Variants in GAK observed in about 807,000 individuals in gnomAD.
GAK encodes the protein cyclin G associated kinase.
A neutral mutation model predicts 143.9 loss-of-function variants in GAK; 79 were observed. The observed-to-expected ratio is 0.55, with a 90% CI of 0.46 to 0.66. The LOEUF (loss-of-function observed/expected upper bound fraction) is 0.66. Among genes scored for constraint, GAK ranks in the 30% least tolerant of loss-of-function variants. The pLI, the probability that GAK is intolerant of heterozygous loss-of-function variation, is 0.00. For synonymous variants in GAK, 881 were observed against 765.5 expected, an observed-to-expected ratio of 1.15 and a Z score of -2.49; for missense variants, 1,693 against 1,779.7, an observed-to-expected ratio of 0.95 and a Z score of 0.88.
At chr4:856,985 T>A (rs1749406955) in intron 24 of GAK, among the ~76,000 whole-genome samples, 1 of 152,222 alleles carries the variant, frequency 6.6e-6, no homozygotes, top group Non-Finnish European at 1.5e-5. Context: ...GTTAAATGCC[T>A]TTTCTGCCTT....
Position 866,520 on chromosome 4 carries a change from G to A in GAK, c.2887C>T (p.Pro963Ser), listed in dbSNP as rs769770781. 3.1e-6 allele frequency: 5 copies of A among 1,613,716 alleles called. No homozygotes were observed. Among genetic ancestry groups the A allele is most frequent in the Non-Finnish European group, 4.2e-6 (5 of 1,179,920 alleles). ...GPPAAADPFG[P>S]LLPSSGNNSQ... Reference sequence around the variant, plus strand: ...TTGTTGCCTGAAGACGGCAGAAGCGGGCCAAAGGGGTCAGCTGTGGGGACA... The same window carrying A: ...TTGTTGCCTGAAGACGGCAGAAGCGAGCCAAAGGGGTCAGCTGTGGGGACA... The change falls in exon 22 of 28, where the codon CCG (proline) becomes TCG (serine). Residue 963 changes from proline to serine, a missense_variant. Around this residue, in one of 2 missense-constraint regions of GAK, gnomAD observed 822 missense variants for 788.7 expected, o/e 1.04. Transcript: ENST00000314167.
In GAK at chr4:876,526, G is replaced by C. The variant is rs377279183; in HGVS notation, c.2054+4C>G. 7 of 1,613,464 alleles carry C rather than the reference G, an allele frequency of 4.3e-6. No homozygotes were observed. In the South Asian group the frequency reaches 6.6e-5, roughly 15 times the overall value. Reference sequence around the variant, plus strand: ...CCCACCGAGCACAAGCGGTACCAACGTACTTGGCAAATTTCACAGTGGTGG... The same window carrying C: ...CCCACCGAGCACAAGCGGTACCAACCTACTTGGCAAATTTCACAGTGGTGG... On this transcript the variant is annotated splice_donor_region_variant and intron_variant, in intron 18 of 27. Transcript: ENST00000314167.
intron 15 of GAK, among the ~76,000 whole-genome samples, chr4:878,872 G>A (rs1180002585): frequency 6.6e-6 from 1 of 152,160 alleles, no homozygotes; most frequent in Non-Finnish European, 1.5e-5. Context: ...TGCGGGCCAG[G>A]CAGGTGACAC....
rs141564663 is a variant in GAK at position 894,270 on chromosome 4, T to C, written c.742-261A>G. 4.6e-3 allele frequency: 770 copies of C among 166,918 alleles called. 4 individuals are homozygous for C. Among genetic ancestry groups the C allele is most frequent in the Middle Eastern group, 0.017 (8 of 478 alleles). The allele number at this position is 166,918 out of a possible 1,614,324, so 10.3% of individuals were successfully genotyped here. On this transcript the variant is annotated intron_variant, in intron 7 of 27. Transcript: ENST00000314167. Reference sequence around the variant, plus strand: ...GGCCGCGGGGAGCGCAGGGGTGACGTTGGGGCCGTGGGGAGCGCAGGGGTG... The same window carrying C: ...GGCCGCGGGGAGCGCAGGGGTGACGCTGGGGCCGTGGGGAGCGCAGGGGTG...
chr4:875,150 C>T (rs1313895867), intron 18 of GAK, among the ~76,000 whole-genome samples: 3 of 152,186 alleles, frequency 2.0e-5, no homozygotes, highest in African/African-American at 7.2e-5. Context: ...GGTCCTTCAC[C>T]GACATTTTCC....
intron 23 of GAK, among the ~76,000 whole-genome samples, chr4:863,159 T>G (rs769978945): frequency 9.9e-5 from 15 of 152,200 alleles, no homozygotes; most frequent in Non-Finnish European, 2.2e-4. Flanking sequence ...CCCTCAAGGA[T>G]GACTTTGAGG....
At chr4:870,981 G>T in intron 18 of GAK, 77 bp from the exon 19 acceptor site, 1 of 1,310,342 alleles carries the variant, frequency 7.6e-7, no homozygotes, top group Non-Finnish European at 1.1e-6. Context: ...CTAAAGAAAC[G>T]TGCATGGAAA....
chr4:930,097 G>A (rs1725420839), intron 1 of GAK, among the ~76,000 whole-genome samples: 1 of 152,154 alleles, frequency 6.6e-6, no homozygotes, highest in Non-Finnish European at 1.5e-5. Flanking sequence ...CAGATTACCA[G>A]CCATCACCAT....
At chr4:884,647 C>T (rs981541170) in intron 11 of GAK, among the ~76,000 whole-genome samples, 13 of 152,228 alleles carry the variant, frequency 8.5e-5, no homozygotes, top group African/African-American at 2.2e-4. Context: ...TCCACGGAAT[C>T]GGTAACACAG....
Position 859,668 on chromosome 4 carries a change from C to T in GAK, c.3221G>A (p.Trp1074Ter). 6.2e-7 allele frequency: 1 copy of T among 1,603,474 alleles called. No individual in the cohort carries two copies. The highest frequency in any genetic ancestry group is 1.1e-5 in the South Asian group (1 of 90,838). The change falls in exon 24 of 28, where the codon TGG becomes TAG. Residue 1074 changes from tryptophan (W) to a stop codon, truncating the protein, a stop_gained. Coordinates refer to ENST00000314167, the MANE Select transcript of GAK (RefSeq NM_005255.4). LOFTEE classifies it high-confidence loss of function. ...TGGGTCCGGGTTCTGAGACTTGGTC[C>T]AGCTGGCCTGAGAGCCACAAGGGGC... ...QPAPCGSQAS[W>*]TKSQNPDPFA... is the part of the protein sequence containing the mutation.
intron 18 of GAK, among the ~76,000 whole-genome samples, chr4:875,914 C>T (rs1713756788): frequency 6.6e-6 from 1 of 152,208 alleles, no homozygotes; most frequent in Admixed American, 6.5e-5. Flanking sequence ...GCACTCCGGC[C>T]TGGGCGTTAG....
At chr4:867,710 C>T (rs3733352) in intron 20 of GAK, among the ~76,000 whole-genome samples, 53,257 of 150,990 alleles carry the variant, frequency 0.35, 9,654 homozygotes, top group South Asian at 0.46. Context: ...CCCCACGGCG[C>T]GTCCCCTCAG....
chr4:858,915 G>A (rs1223312836), intron 24 of GAK, among the ~76,000 whole-genome samples: 6 of 152,184 alleles, frequency 3.9e-5, no homozygotes, highest in Non-Finnish European at 8.8e-5. Context: ...GGGGTCACCG[G>A]CACCAACAAG....
At chr4:901,310 C>G (rs1022330499) in intron 5 of GAK, among the ~76,000 whole-genome samples, 2 of 152,176 alleles carry the variant, frequency 1.3e-5, no homozygotes, top group Admixed American at 6.5e-5. Context: ...CCAGGGCACA[C>G]GGGGAGAGCC....
chr4:917,744 C>CA (rs1723306739), intron 1 of GAK, among the ~76,000 whole-genome samples: 1 of 152,238 alleles, frequency 6.6e-6, no homozygotes, highest in African/African-American at 2.4e-5. Context: ...CACATACATA[C>CA]ATGACATGTG....
intron 22 of GAK, among the ~76,000 whole-genome samples, chr4:865,841 G>A (rs1751074604): frequency 6.6e-6 from 1 of 152,236 alleles, no homozygotes; most frequent in Non-Finnish European, 1.5e-5. Flanking sequence ...ACACTGGAGG[G>A]GCGCGCAGCC....
At chr4:871,170 G>A (rs968033102) in intron 18 of GAK, among the ~76,000 whole-genome samples, 46 of 152,376 alleles carry the variant, frequency 3.0e-4, no homozygotes, top group African/African-American at 9.4e-4. Flanking sequence ...ACGTCACAGT[G>A]GGGATGCCCG....
chr4:857,553 A>C (rs1468636474), intron 24 of GAK, among the ~76,000 whole-genome samples: 1 of 152,114 alleles, frequency 6.6e-6, no homozygotes, highest in African/African-American at 2.4e-5. Flanking sequence ...GGTTTTGAGG[A>C]ATTTATCAAT....
intron 5 of GAK, among the ~76,000 whole-genome samples, chr4:899,557 C>A (rs1022994531): frequency 7.2e-5 from 11 of 152,048 alleles, no homozygotes; most frequent in African/African-American, 2.4e-4. Context: ...GGCATTTTCC[C>A]AGAGGAAGCC....
Sources: gnomAD v4.1 joint callset for allele counts (sites outside exome capture counted in the v4.1 genomes callset) on GRCh38, gnomAD v4.1.1 for gene constraint, gnomAD v4.1.1 regional missense constraint, MANE v1.5 for transcripts, NCBI Gene and HGNC (gene_info 2026-07-23, HGNC 2026-07-21) for gene names.